Variants in KIF21B observed in about 807,000 individuals in gnomAD.
KIF21B encodes kinesin family member 21B.
Under a neutral mutation model 192.9 loss-of-function variants are expected in KIF21B, and 85 were observed. The ratio of observed to expected loss-of-function variants is 0.44; its 90% CI spans 0.37 to 0.53. The LOEUF is 0.53. Among genes scored for constraint, KIF21B ranks in the 20% least tolerant of loss-of-function variants. The pLI is 0.00. For synonymous variants in KIF21B, 832 were observed against 884.6 expected, an observed-to-expected ratio of 0.94 and a Z score of 1.05; for missense variants, 1,716 against 2,194.8, an observed-to-expected ratio of 0.78 and a Z score of 4.36.
intron 3 of KIF21B, 50 bp downstream of exon 3, chr1:201,008,719 C>A: frequency 1.3e-6 from 2 of 1,515,098 alleles, no homozygotes; most frequent in South Asian, 2.5e-5. Context: ...CTTCCATGGT[C>A]CTGTTGTCCA....
Position 201,017,327 on chromosome 1 carries a change from C to G in KIF21B, c.41+6016G>C, listed in dbSNP as rs1571974622. Reference sequence around the variant, plus strand: ...CCCAGCCTGCCATTGGCCACACAAGCCTGGCTGTGAGCAGGAGCCAGGAAC... The same window carrying G: ...CCCAGCCTGCCATTGGCCACACAAGGCTGGCTGTGAGCAGGAGCCAGGAAC... On this transcript the variant is annotated intron_variant, in intron 1 of 34. Transcript: ENST00000461742. This position sits in a 1 kb window ranked among gnomAD's most constrained non-coding sequence, Gnocchi z 4.1. Among the ~76,000 whole-genome samples the G allele has an allele frequency of 1.3e-5, 2 of 152,330 alleles. No homozygotes were observed. The highest frequency in any genetic ancestry group is 4.1e-4 in the South Asian group (2 of 4,830).
chr1:200,998,638 T>C lies in KIF21B; in HGVS notation c.1886-63A>G. The C allele has an allele frequency of 2.7e-6, 4 of 1,506,704 alleles. No homozygotes were observed. Among genetic ancestry groups the C allele is most frequent in the Non-Finnish European group, 3.6e-6 (4 of 1,097,244 alleles). The allele number at this position is 1,506,704 out of a possible 1,614,324, so 93.3% of individuals were successfully genotyped here. On this transcript the variant is annotated intron_variant, in intron 13 of 34. Transcript: ENST00000461742. This position sits in a 1 kb window ranked among gnomAD's most constrained non-coding sequence, Gnocchi z 4.3. ...CGAGGGGCAAATTGGGGAGCAGATG[T>C]GCCAGTGCTGGGGAGCTGGGACCCT...
chr1:201,010,931 G>T (rs567896875), intron 1 of KIF21B, among the ~76,000 whole-genome samples: 1 of 152,238 alleles, frequency 6.6e-6, no homozygotes, highest in Non-Finnish European at 1.5e-5. Flanking sequence ...GGGGTTGGGG[G>T]TGAGCAACAC....
At chr1:201,015,548 T>C (rs1012262645) in intron 1 of KIF21B, among the ~76,000 whole-genome samples, 1 of 152,206 alleles carries the variant, frequency 6.6e-6, no homozygotes, top group African/African-American at 2.4e-5. Context: ...TCTGCCCTGA[T>C]TCCATGATCT....
In KIF21B at chr1:200,990,477, G is replaced by A. The variant is rs577492994; in HGVS notation, c.2835+99C>T. The stretch of plus-strand genomic sequence containing the variant: ...CCAGAGCAGGCAAAAGGAGCAGAGG[G>A]AAGTGGGGCAGGGAAAGGTCTGAAG... On this transcript the variant is annotated intron_variant, in intron 19 of 34. Coordinates refer to ENST00000461742, the MANE Select transcript of KIF21B (RefSeq NM_001252102.2). This position sits in a 1 kb window ranked among gnomAD's most constrained non-coding sequence, Gnocchi z 5.4. 4.5e-4 allele frequency: 673 copies of A among 1,502,792 alleles called. 2 individuals carry two copies. The African/African-American group carries it at 7.8e-3, about 17-fold the overall frequency. 93.1% of individuals were successfully genotyped at this position (1,502,792 alleles called of 1,614,324 possible).
In KIF21B at chr1:200,989,016, C is replaced by T; in HGVS notation, c.3133-85G>A. 8.1e-6 allele frequency: 11 copies of T among 1,354,390 alleles called. No individual in the cohort carries two copies. The South Asian group carries it at 1.5e-4, about 18-fold the overall frequency. The allele number at this position is 1,354,390 out of a possible 1,614,324, so 83.9% of individuals were successfully genotyped here. ...CACACAACCTGCACCCCTCAAGACACCTTGGAGTGCTCCTTTCCAGCTCCC... is the reference window on the plus strand; with the variant it reads ...CACACAACCTGCACCCCTCAAGACATCTTGGAGTGCTCCTTTCCAGCTCCC... On this transcript the variant is annotated intron_variant, in intron 21 of 34. Transcript: ENST00000461742.
chr1:200,990,854 GCCCTGCCCCATATTCCCACCCCC>G lies in KIF21B; in HGVS notation c.2687+40_2687+62del. On this transcript the variant is annotated intron_variant, in intron 18 of 34. Coordinates refer to ENST00000461742, the MANE Select transcript of KIF21B (RefSeq NM_001252102.2). This position sits in a 1 kb window ranked among gnomAD's most constrained non-coding sequence, Gnocchi z 5.4. ...CAGAGCTTCCCTCTTCCTCACCCTG[GCCCTGCCCCATATTCCCACCCCC>G]TCTGCCTGCACAGGCCAGGGGACTG... 1 of 1,603,276 alleles carries G rather than the reference GCCCTGCCCCATATTCCCACCCCC, an allele frequency of 6.2e-7. No individual in the cohort carries two copies. Among genetic ancestry groups the G allele is most frequent in the Non-Finnish European group, 8.5e-7 (1 of 1,171,342 alleles).
At position 201,022,202 on chromosome 1, in the gene KIF21B, C is replaced by A. The variant is rs551804257; in HGVS notation, c.41+1141G>T. 1.9e-4 allele frequency among the ~76,000 whole-genome samples: 29 copies of A among 152,314 alleles called. 1 individual carries two copies. In the South Asian group the frequency reaches 5.6e-3, roughly 29 times the overall value. ...TGGGGCAGGAAGAAGAAAGCTTTTT[C>A]ATTGCCATCTCTGACTCTGTCTAGG... On this transcript the variant is annotated intron_variant, in intron 1 of 34. Transcript: ENST00000461742.
intron 28 of KIF21B, among the ~76,000 whole-genome samples, chr1:200,981,366 G>A (rs2102387169): frequency 6.6e-6 from 1 of 152,364 alleles, no homozygotes. Context: ...ACAGCTAGAA[G>A]GTGCAGGAGG....
rs753078139 is a variant in KIF21B, at chr1:200,972,215, C to T, written c.*1306G>A. On this transcript the variant is annotated 3_prime_UTR_variant, in exon 35 of 35. Coordinates refer to ENST00000461742, the MANE Select transcript of KIF21B (RefSeq NM_001252102.2). The stretch of plus-strand genomic sequence containing the variant: ...CGGGGCAGAGAAACTCTGCCAACTC[C>T]CTCTTCCTTGATAATTTTCTGCAAG... 6 of 152,342 alleles carry T rather than the reference C, an allele frequency of 3.9e-5. No homozygotes were observed. The highest frequency in any genetic ancestry group is 4.1e-4 in the South Asian group (2 of 4,836). 9.4% of individuals were successfully genotyped at this position (152,342 alleles called of 1,614,324 possible). A position where few individuals can be genotyped will look rare whatever the true frequency, so the allele number is the denominator to read the frequency against.
At chr1:200,996,831 C>T (rs1362231283) in intron 14 of KIF21B, among the ~76,000 whole-genome samples, 1 of 152,136 alleles carries the variant, frequency 6.6e-6, no homozygotes, top group African/African-American at 2.4e-5. Flanking sequence ...GCCTCTCCTA[C>T]CAGAACTACC....
In KIF21B at chr1:200,990,890, G is replaced by A; in HGVS notation, c.2687+27C>T. The A allele has an allele frequency of 6.2e-7, 1 of 1,613,438 alleles. No homozygotes were observed. The highest frequency in any genetic ancestry group is 2.2e-5 in the East Asian group (1 of 44,876). On this transcript the variant is annotated intron_variant, in intron 18 of 34. Coordinates refer to ENST00000461742, the MANE Select transcript of KIF21B (RefSeq NM_001252102.2). This position sits in a 1 kb window ranked among gnomAD's most constrained non-coding sequence, Gnocchi z 5.4. ...TATTCCCACCCCCTCTGCCTGCACA[G>A]GCCAGGGGACTGCCAGTCCACCTTA...
intron 3 of KIF21B, among the ~76,000 whole-genome samples, chr1:201,007,693 CACAG>C (rs752928055): frequency 1.3e-4 from 19 of 151,546 alleles, no homozygotes; most frequent in South Asian, 4.2e-4. Flanking sequence ...CACAGACACA[CACAG>C]ACAGATGCGC....
At position 200,979,521 on chromosome 1, in the gene KIF21B, C is replaced by T. The variant is rs112760207; in HGVS notation, c.4160+14G>A. 5.4e-4 allele frequency: 824 copies of T among 1,517,494 alleles called. 1 individual carries two copies. The African/African-American group carries it at 9.7e-3, about 18-fold the overall frequency. The allele number at this position is 1,517,494 out of a possible 1,614,324, so 94.0% of individuals were successfully genotyped here. On this transcript the variant is annotated intron_variant, in intron 30 of 34. Transcript: ENST00000461742. ...CTGCAGCCGACCACTGTGAGGCAGG[C>T]GGGGGTTACTCACGTGAGAGTCCGA...
At chr1:200,989,711 C>T (rs1195957339) in intron 21 of KIF21B, among the ~76,000 whole-genome samples, 1 of 152,210 alleles carries the variant, frequency 6.6e-6, no homozygotes, top group East Asian at 1.9e-4. Context: ...TGCCAGGCCA[C>T]GTCCCTTACA....
intron 21 of KIF21B, among the ~76,000 whole-genome samples, 165 bp downstream of exon 21, chr1:200,989,777 T>C (rs1455410373): frequency 6.6e-6 from 1 of 152,242 alleles, no homozygotes; most frequent in Admixed American, 6.5e-5. Flanking sequence ...GGTCGTCCTC[T>C]CAGCTTTACA....
At chr1:201,006,398 A>C (rs1486239429) in intron 3 of KIF21B, among the ~76,000 whole-genome samples, 1 of 152,196 alleles carries the variant, frequency 6.6e-6, no homozygotes, top group Non-Finnish European at 1.5e-5. Flanking sequence ...TTCAACAGGC[A>C]GGGAACTAGG....
In KIF21B at chr1:200,986,905, G is replaced by C. The variant is rs1656339363; in HGVS notation, c.3628C>G (p.Arg1210Gly). Residue 1210 changes from arginine (R) to glycine (G), a missense_variant, in exon 26 of 35, where the codon CGA (arginine) becomes GGA (glycine). By Grantham distance (125) the Arg-to-Gly change is moderately radical. This residue lies in a region of KIF21B where 580 missense variants were observed against 775.5 expected (regional missense o/e 0.75). Transcript: ENST00000461742. ...TRGSTFPRQS[R>G]ATETSPLTRR... ...GTCAGCGGGGACGTCTCTGTGGCTC[G>C]AGATTGCCTAGGGCTACAACAGAAG... 1 of 1,613,760 alleles carries C rather than the reference G, an allele frequency of 6.2e-7. No individual in the cohort carries two copies. The highest frequency in any genetic ancestry group is 1.1e-5 in the South Asian group (1 of 91,028).
Position 200,976,869 on chromosome 1 carries a change from A to G in KIF21B, c.4350T>C (p.Thr1450=), listed in dbSNP as rs768047697. 1.2e-6 allele frequency: 2 copies of G among 1,611,018 alleles called. No homozygotes were observed. The highest frequency in any genetic ancestry group is 1.7e-6 in the Non-Finnish European group (2 of 1,177,756). ...LSRFQPVGKL[T]GHIGPVMCLT... ...GGCACATCACAGGGCCGATGTGGCC[A>G]GTCAGCTTGCCGACAGGCTGGAACC... The change falls in exon 32 of 35, where the codon ACT becomes ACC. Residue 1450 remains threonine, a synonymous_variant. Coordinates refer to ENST00000461742, the MANE Select transcript of KIF21B (RefSeq NM_001252102.2).
Sources: allele counts gnomAD v4.1 joint callset (sites outside exome capture counted in the v4.1 genomes callset), GRCh38; gene constraint gnomAD v4.1.1; regional missense constraint gnomAD v4.1.1; non-coding constraint Gnocchi (gnomAD v3.1); transcripts MANE v1.5; gene names NCBI Gene and HGNC (gene_info 2026-07-23, HGNC 2026-07-21).